Variants in RUBCN observed in about 807,000 individuals in gnomAD.
RUBCN encodes run domain Beclin-1-interacting and cysteine-rich domain-containing protein.
Under a neutral mutation model 113.2 loss-of-function variants are expected in RUBCN, and 74 were observed. The ratio of observed to expected loss-of-function variants is 0.65; its 90% CI spans 0.54 to 0.79. The LOEUF is 0.79. Among genes scored for constraint, RUBCN ranks in the 30% least tolerant of loss-of-function variants. The pLI, the probability that RUBCN is intolerant of heterozygous loss-of-function variation, is 0.00. For synonymous variants in RUBCN, 480 were observed against 490.0 expected, an observed-to-expected ratio of 0.98 and a Z score of 0.27; for missense variants, 1,109 against 1,251.7, an observed-to-expected ratio of 0.89 and a Z score of 1.72.
chr3:197,729,563 T>C (rs1268929294), intron 1 of RUBCN, among the ~76,000 whole-genome samples: 1 of 148,254 alleles, frequency 6.7e-6, no homozygotes, highest in Admixed American at 6.8e-5. Context: ...CCTGCTTTTG[T>C]TTTGTTCTGT....
At chr3:197,749,434 G>T in exon 1 of RUBCN, 1 of 1,232,310 alleles carries the variant, frequency 8.1e-7, no homozygotes, top group South Asian at 1.4e-5. Context: ...GTTCAGATGC[G>T]GCAGCTCAGC....
At chr3:197,739,357 C>T (rs984193244), upstream of RUBCN, among the ~76,000 whole-genome samples, 2 of 147,662 alleles carry the variant, frequency 1.4e-5, no homozygotes, top group Admixed American at 6.8e-5. Flanking sequence ...TGCTACTGCA[C>T]TCCAGCCTGG....
At chr3:197,704,208 G>A (rs1724025978) in intron 4 of RUBCN, among the ~76,000 whole-genome samples, 1 of 152,208 alleles carries the variant, frequency 6.6e-6, no homozygotes, top group Admixed American at 6.5e-5. Context: ...GCCAAAGCGG[G>A]CAGATCACCT....
intron 7 of RUBCN, chr3:197,699,106 C>T (rs1723344746): frequency 1.0e-6 from 1 of 982,714 alleles, no homozygotes; most frequent in East Asian, 2.6e-5. Flanking sequence ...CTTGATTTGA[C>T]ACCAGACTGA....
chr3:197,699,192 A>AT (rs1225249899), intron 7 of RUBCN: 1 of 1,549,828 alleles, frequency 6.5e-7, no homozygotes, highest in African/African-American at 1.4e-5. Context: ...CAAACCTGCA[A>AT]TGGGATCTTC....
chr3:197,702,264 C>T (rs1236790691), intron 5 of RUBCN, among the ~76,000 whole-genome samples: 1 of 152,218 alleles, frequency 6.6e-6, no homozygotes, highest in Non-Finnish European at 1.5e-5. Context: ...GATCAATGCC[C>T]ACTTCACAGG....
intron 2 of RUBCN, 60 bp downstream of exon 2, chr3:197,717,917 C>T (rs561541672): frequency 8.1e-6 from 13 of 1,599,564 alleles, no homozygotes; most frequent in African/African-American, 8.0e-5. Context: ...CCTGCCAATG[C>T]GACTGTTTCT....
chr3:197,743,725 C>T (rs1728620157), intron 1 of RUBCN, among the ~76,000 whole-genome samples: 1 of 152,192 alleles, frequency 6.6e-6, no homozygotes, highest in African/African-American at 2.4e-5. Flanking sequence ...GTGGCTCACG[C>T]CTGTAATCCC....
intron 16 of RUBCN, among the ~76,000 whole-genome samples, chr3:197,678,530 C>A (rs1357517535): frequency 5.3e-5 from 8 of 151,406 alleles, no homozygotes; most frequent in Non-Finnish European, 1.0e-4. Flanking sequence ...TAACAACTGG[C>A]TTCAGACTGT....
intron 1 of RUBCN, 56 bp downstream of exon 1, chr3:197,736,599 C>A: frequency 1.3e-6 from 2 of 1,520,430 alleles, no homozygotes; most frequent in Non-Finnish European, 1.8e-6. Flanking sequence ...CCTCCCAAGC[C>A]TCCCGGGGCT....
intron 2 of RUBCN, among the ~76,000 whole-genome samples, chr3:197,710,107 T>C (rs987836592): frequency 6.7e-6 from 1 of 149,388 alleles, no homozygotes; most frequent in African/African-American, 2.5e-5. Context: ...GAGGCGGAGG[T>C]TGCAGTGAGC....
At chr3:197,699,191 A>G in intron 7 of RUBCN, 2 of 1,549,808 alleles carry the variant, frequency 1.3e-6, no homozygotes, top group Non-Finnish European at 1.7e-6. Context: ...CCAAACCTGC[A>G]ATGGGATCTT....
rs150509594 is a variant in RUBCN, at chr3:197,706,493, G to A, written c.220-1318C>T. Among the ~76,000 whole-genome samples, 111 of 151,992 alleles carry A rather than the reference G, an allele frequency of 7.3e-4. No homozygotes were observed. The East Asian group carries it at 0.02, about 27-fold the overall frequency. On this transcript the variant is annotated intron_variant, in intron 2 of 19. Coordinates refer to ENST00000296343, the MANE Select transcript of RUBCN (RefSeq NM_014687.4). ...AGCCCAGAGTTTGAGACCAGCCTGG[G>A]CAACATAGCGAGACCCCATCTCTAC... is the stretch of plus-strand genomic sequence containing the variant.
At chr3:197,693,067 G>GT (rs1326236156) in intron 11 of RUBCN, among the ~76,000 whole-genome samples, 1 of 151,942 alleles carries the variant, frequency 6.6e-6, no homozygotes, top group African/African-American at 2.4e-5. Flanking sequence ...TTGTGTGTTT[G>GT]TTTTGCTGAT....
chr3:197,732,014 T>C (rs1727563191), intron 1 of RUBCN, among the ~76,000 whole-genome samples: 1 of 152,272 alleles, frequency 6.6e-6, no homozygotes, highest in East Asian at 1.9e-4. Context: ...AATGTCACTC[T>C]GACGCTCTGG....
chr3:197,689,530 G>C (rs925657439), intron 11 of RUBCN, among the ~76,000 whole-genome samples: 1 of 152,126 alleles, frequency 6.6e-6, no homozygotes, highest in Non-Finnish European at 1.5e-5. Flanking sequence ...CCCCACAGAG[G>C]ACTGGGACTA....
chr3:197,695,118 A>T (rs1168332134), intron 9 of RUBCN, among the ~76,000 whole-genome samples: 2 of 152,022 alleles, frequency 1.3e-5, no homozygotes, highest in Non-Finnish European at 2.9e-5. Context: ...GGCCAAGCCC[A>T]GGAGTTCAAG....
intron 7 of RUBCN, among the ~76,000 whole-genome samples, chr3:197,698,096 T>C (rs1723213106): frequency 6.6e-6 from 1 of 152,212 alleles, no homozygotes; most frequent in African/African-American, 2.4e-5. Context: ...CAACACGACC[T>C]TAACCTCTTT....
At chr3:197,717,445 A>G (rs568001527) in intron 2 of RUBCN, among the ~76,000 whole-genome samples, 15 of 150,152 alleles carry the variant, frequency 1.0e-4, no homozygotes, top group Admixed American at 6.0e-4. Flanking sequence ...CTCCGTCTCA[A>G]AAAAAAAAAG....
Sources: allele counts gnomAD v4.1 joint callset (sites outside exome capture counted in the v4.1 genomes callset), GRCh38; gene constraint gnomAD v4.1.1; transcripts MANE v1.5; gene names NCBI Gene and HGNC (gene_info 2026-07-23, HGNC 2026-07-21).